ERICH1: variants seen among roughly 807,000 people sequenced by gnomAD.
ERICH1 encodes the protein glutamate rich 1, also known as glutamate-rich protein 1.
ERICH1 carries 56 observed loss-of-function variants against 39.6 expected under a neutral mutation model. The observed-to-expected ratio is 1.41, with a 90% CI of 1.14 to 1.77. The LOEUF (loss-of-function observed/expected upper bound fraction) is 1.77. Ranked by LOEUF, ERICH1 falls within the 40% of genes most tolerant of loss-of-function variation. ERICH1 has a pLI of 0.00. For synonymous variants in ERICH1, 313 were observed against 223.6 expected (o/e 1.40, Z -3.57); for missense variants, 826 against 575.4 (o/e 1.44, Z -4.45).
At chr8:623,761 C>T (rs1797427096) in intron 3 of ERICH1, among the ~76,000 whole-genome samples, 1 of 152,082 alleles carries the variant, frequency 6.6e-6, no homozygotes, top group Non-Finnish European at 1.5e-5. Flanking sequence ...TCAAAATGGA[C>T]CACAGACCTT....
At chr8:639,547 C>A (rs561168728) in intron 3 of ERICH1, among the ~76,000 whole-genome samples, 1 of 152,270 alleles carries the variant, frequency 6.6e-6, no homozygotes, top group East Asian at 1.9e-4. Context: ...CGACCGAGAA[C>A]CCTGGATTCA....
intron 3 of ERICH1, among the ~76,000 whole-genome samples, chr8:651,432 C>T (rs1326940524): frequency 3.3e-5 from 5 of 152,214 alleles, no homozygotes; most frequent in Non-Finnish European, 7.3e-5. Flanking sequence ...AGAAAGTTTC[C>T]GGTAAGCCTG....
intron 5 of ERICH1, among the ~76,000 whole-genome samples, chr8:665,584 T>C (rs1322329970): frequency 6.6e-6 from 1 of 152,222 alleles, no homozygotes; most frequent in Non-Finnish European, 1.5e-5. Context: ...AAAAATCTAA[T>C]TCCCATACAG....
rs549126502 is a variant in ERICH1 at position 641,613 on chromosome 8, A to G, written c.977-26329T>C. ...ATTATAGCTTAATATTTCTTGATTA[A>G]TTGTACTGGGAGGAGGTAGTGTGTC... On this transcript the variant is annotated intron_variant, in intron 3 of 3. Transcript: ENST00000522706. 3.9e-5 allele frequency among the ~76,000 whole-genome samples: 6 copies of G among 152,334 alleles called. No individual in the cohort carries two copies. The East Asian group carries it at 7.7e-4, about 20-fold the overall frequency.
At chr8:722,018 A>T (rs1020246188) in intron 1 of ERICH1, among the ~76,000 whole-genome samples, 5 of 152,182 alleles carry the variant, frequency 3.3e-5, no homozygotes, top group Non-Finnish European at 7.3e-5. Flanking sequence ...GGAGCCCCCG[A>T]TGCTGCATGG....
chr8:710,512 C>T (rs549094616), intron 2 of ERICH1, among the ~76,000 whole-genome samples: 76 of 150,620 alleles, frequency 5.0e-4, no homozygotes, highest in Non-Finnish European at 9.4e-4. Context: ...GCGGTTTCAC[C>T]GTCCTGCAAG....
chr8:713,587 G>A lies in ERICH1; in HGVS notation c.169+2274C>T, dbSNP rs576194404. ...CGGTGTCTGTGGCACTCATCACATCGCAGGTTAGACAGGCTTTCTGAGCCG... is the reference window on the plus strand; with the variant it reads ...CGGTGTCTGTGGCACTCATCACATCACAGGTTAGACAGGCTTTCTGAGCCG... On this transcript the variant is annotated intron_variant, in intron 2 of 5. Transcript: ENST00000262109. Among the ~76,000 whole-genome samples the A allele has an allele frequency of 4.6e-4, 70 of 152,146 alleles. No homozygotes were observed. The Middle Eastern group carries it at 0.024, about 52-fold the overall frequency.
chr8:718,246 C>T (rs1289003391), intron 1 of ERICH1, among the ~76,000 whole-genome samples: 4 of 151,700 alleles, frequency 2.6e-5, no homozygotes, highest in African/African-American at 7.3e-5. Flanking sequence ...TCGGAGTGCA[C>T]GGAGAAACCG....
At chr8:651,506 G>A (rs939323584) in intron 3 of ERICH1, among the ~76,000 whole-genome samples, 5 of 152,182 alleles carry the variant, frequency 3.3e-5, no homozygotes, top group African/African-American at 1.2e-4. Context: ...GAAAATGCAG[G>A]AGCCAGCCCG....
At chr8:622,924 C>T (rs1797372547) in intron 3 of ERICH1, among the ~76,000 whole-genome samples, 2 of 150,704 alleles carry the variant, frequency 1.3e-5, no homozygotes, top group Non-Finnish European at 1.5e-5. Context: ...TACCACTGTA[C>T]TCCAACCTGG....
At chr8:695,127 C>T (rs757507470) in intron 2 of ERICH1, among the ~76,000 whole-genome samples, 3 of 152,062 alleles carry the variant, frequency 2.0e-5, no homozygotes, top group Non-Finnish European at 2.9e-5. Flanking sequence ...CCTTTCTCCC[C>T]GTCAGGTTCC....
chr8:673,938 T>A lies in ERICH1; in HGVS notation c.414A>T (p.Lys138Asn), dbSNP rs1293180796. 58 of 1,612,272 alleles carry A rather than the reference T, an allele frequency of 3.6e-5. No individual in the cohort carries two copies. The highest frequency in any genetic ancestry group is 4.9e-5 in the Non-Finnish European group (58 of 1,179,862). The change falls in exon 4 of 6, where the codon AAA becomes AAT. Residue 138 changes from lysine to asparagine, a missense_variant. Lys to Asn is a moderately conservative substitution (Grantham distance 94). Transcript: ENST00000262109. ...ATTTCTCCTGTAACAGACTCTGCTG[T>A]TTCTCTAATTCTGCTTGTTCTATAA... ...NVLIEQAELE[K>N]QQSLLQEKSQ...
chr8:642,343 T>C (rs1425846995), intron 3 of ERICH1, among the ~76,000 whole-genome samples: 2 of 136,222 alleles, frequency 1.5e-5, no homozygotes, highest in African/African-American at 5.6e-5. Flanking sequence ...GGACTTTTTT[T>C]TTTTTTTTTT....
chr8:632,565 T>C (rs1041774789), intron 3 of ERICH1, among the ~76,000 whole-genome samples: 1 of 152,192 alleles, frequency 6.6e-6, no homozygotes, highest in African/African-American at 2.4e-5. Context: ...AAAAGGTAAG[T>C]ATCCAGAATA....
At chr8:678,118 C>T (rs969763023) in intron 3 of ERICH1, among the ~76,000 whole-genome samples, 8 of 151,702 alleles carry the variant, frequency 5.3e-5, no homozygotes, top group South Asian at 2.1e-4. Context: ...AATGTGTATG[C>T]GTGTACTTTT....
In ERICH1 at chr8:692,448, G is replaced by A; in HGVS notation, c.304+30C>T. On this transcript the variant is annotated intron_variant, in intron 3 of 5. Transcript: ENST00000262109. ...GAAATACGAGCTTATCTGCAAAGAT[G>A]TCTACCTTTCCTCCCACCCAGCATT... 4 of 1,613,868 alleles carry A rather than the reference G, an allele frequency of 2.5e-6. No individual in the cohort carries two copies. In the South Asian group the frequency reaches 4.4e-5, roughly 18 times the overall value.
intron 1 of ERICH1, among the ~76,000 whole-genome samples, chr8:720,844 G>A (rs1817155215): frequency 6.6e-6 from 1 of 152,170 alleles, no homozygotes; most frequent in African/African-American, 2.4e-5. Context: ...ACTCCTGGAG[G>A]TCACCGTATC....
downstream of ERICH1, among the ~76,000 whole-genome samples, chr8:659,803 G>A (rs1430135452): frequency 2.8e-5 from 1 of 36,276 alleles, no homozygotes; most frequent in Non-Finnish European, 5.2e-5. Context: ...TGGGGAGGGG[G>A]TGACCATCGA....
At chr8:631,851 C>T (rs1470608485) in intron 3 of ERICH1, among the ~76,000 whole-genome samples, 1 of 152,052 alleles carries the variant, frequency 6.6e-6, no homozygotes, top group Admixed American at 6.6e-5. Context: ...TGCCGCCCCC[C>T]GACCCCCGCC....
Sources: allele counts gnomAD v4.1 joint callset (sites outside exome capture counted in the v4.1 genomes callset), GRCh38; gene constraint gnomAD v4.1.1; transcripts MANE v1.5; gene names NCBI Gene and HGNC (gene_info 2026-07-23, HGNC 2026-07-21).